Variants in ATP10B observed in about 807,000 individuals in gnomAD.
ATP10B encodes phospholipid-transporting ATPase VB.
A neutral mutation model predicts 141.2 loss-of-function variants in ATP10B; 122 were observed. The observed-to-expected ratio is 0.86, with a 90% confidence interval of 0.75 to 1.00. The LOEUF (loss-of-function observed/expected upper bound fraction) is 1.00. ATP10B is among the 50% of genes least tolerant of loss of function. ATP10B has a pLI of 0.00. For missense variants in ATP10B, 1,876 were observed against 1,825.3 expected (o/e 1.03, Z -0.51); for synonymous variants, 685 against 692.0 (o/e 0.99, Z 0.16).
intron 3 of ATP10B, among the ~76,000 whole-genome samples, chr5:160,708,878 C>T (rs1349323373): frequency 2.0e-5 from 3 of 152,064 alleles, no homozygotes; most frequent in Non-Finnish European, 4.4e-5. Flanking sequence ...GGATTAAAGA[C>T]CCCTTAGAGA....
At chr5:160,833,273 G>A (rs1260914551) in intron 1 of ATP10B, among the ~76,000 whole-genome samples, 3 of 152,136 alleles carry the variant, frequency 2.0e-5, no homozygotes, top group Non-Finnish European at 4.4e-5. Context: ...AGAATACAGG[G>A]GAATCTTGAA....
intron 7 of ATP10B, among the ~76,000 whole-genome samples, chr5:160,663,320 C>G (rs1442949440): frequency 6.6e-6 from 1 of 152,142 alleles, no homozygotes; most frequent in Non-Finnish European, 1.5e-5. Flanking sequence ...AATCATGCTG[C>G]TATAAAGACA....
chr5:160,632,132 G>A lies in ATP10B; in HGVS notation c.1617C>T (p.Ser539=). 3 of 1,611,264 alleles carry A rather than the reference G, an allele frequency of 1.9e-6. No homozygotes were observed. Among genetic ancestry groups the A allele is most frequent in the Non-Finnish European group, 2.5e-6 (3 of 1,177,794 alleles). ...SSQPPVAFSS[S]IEKDVTPDKN... ...AAAGGCAAAAGTCAGGACTTACTAT[G>A]GAGCTGCTGAAGGCCACAGGAGGCT... Residue 539 remains serine, a synonymous_variant, in exon 13 of 26, where the codon TCC becomes TCT. Transcript: ENST00000327245.
At chr5:160,917,269 C>CTTT in the ATP10B span, among the ~76,000 whole-genome samples, 11,459 of 127,548 alleles carry the variant, frequency 0.09, 872 homozygotes, top group African/African-American at 0.18. Context: ...TAGGGTACTT[C>CTTT]TTTTTTTTTT....
At chr5:160,863,967 CAAA>C in the ATP10B span, among the ~76,000 whole-genome samples, 1 of 151,758 alleles carries the variant, frequency 6.6e-6, no homozygotes, top group African/African-American at 2.4e-5. Context: ...GTATTGCCAA[CAAA>C]AAAGTGCAGA....
chr5:160,807,083 C>A (rs1275043230), intron 1 of ATP10B, among the ~76,000 whole-genome samples: 2 of 152,126 alleles, frequency 1.3e-5, no homozygotes, highest in Non-Finnish European at 2.9e-5. Context: ...GAAAACGATA[C>A]ATATACCTGT....
chr5:160,800,454 C>CAGAGA (rs1349665666), intron 1 of ATP10B, among the ~76,000 whole-genome samples: 5 of 152,226 alleles, frequency 3.3e-5, no homozygotes, highest in African/African-American at 1.2e-4. Context: ...CATTGAAAAG[C>CAGAGA]AGAGAAGTCA....
At chr5:160,729,602 G>T (rs1766598938) in intron 2 of ATP10B, among the ~76,000 whole-genome samples, 1 of 152,200 alleles carries the variant, frequency 6.6e-6, no homozygotes, top group African/African-American at 2.4e-5. Flanking sequence ...TTCAGGAGGT[G>T]ACAACGGTAG....
At chr5:160,772,278 TTAA>T (rs1260827449) in intron 2 of ATP10B, among the ~76,000 whole-genome samples, 1 of 152,264 alleles carries the variant, frequency 6.6e-6, no homozygotes, top group Non-Finnish European at 1.5e-5. Flanking sequence ...CAAGCTCTTC[TTAA>T]TACTACCCTC....
At position 160,634,124 on chromosome 5, in the gene ATP10B, G is replaced by A. The variant is rs1053998414; in HGVS notation, c.1381+230C>T. The A allele has an allele frequency of 3.2e-5, 22 of 678,898 alleles. No individual in the cohort carries two copies. The African/African-American group carries it at 3.7e-4, about 12-fold the overall frequency. 42.1% of individuals were successfully genotyped at this position (678,898 alleles called of 1,614,324 possible). ...CACCAGACAAAGATCAGCTGAAGGG[G>A]AACCACATATGGGATAACTTCTAAC... is the stretch of plus-strand genomic sequence containing the variant. On this transcript the variant is annotated intron_variant, in intron 12 of 25. Transcript: ENST00000327245.
At chr5:160,788,718 A>G (rs910574853) in intron 1 of ATP10B, among the ~76,000 whole-genome samples, 1 of 152,116 alleles carries the variant, frequency 6.6e-6, no homozygotes, top group Non-Finnish European at 1.5e-5. Flanking sequence ...TCACCATCCA[A>G]CCACTATTTA....
intron 1 of ATP10B, among the ~76,000 whole-genome samples, chr5:160,805,187 T>C (rs933897408): frequency 3.3e-5 from 5 of 152,256 alleles, no homozygotes; most frequent in Admixed American, 1.3e-4. Flanking sequence ...TTAAAGACTA[T>C]ATATCATTGT....
the ATP10B span, among the ~76,000 whole-genome samples, chr5:160,893,721 G>A: frequency 6.6e-6 from 1 of 152,186 alleles, no homozygotes; most frequent in African/African-American, 2.4e-5. Context: ...CCTCAAGTGG[G>A]TCACTGATCC....
intron 1 of ATP10B, among the ~76,000 whole-genome samples, chr5:160,815,499 G>A (rs894801213): frequency 7.2e-5 from 11 of 152,090 alleles, no homozygotes; most frequent in Non-Finnish European, 1.5e-4. Context: ...CAAGTCCTTA[G>A]AGACCTACAA....
chr5:160,896,380 GA>G, the ATP10B span, among the ~76,000 whole-genome samples: 5 of 152,226 alleles, frequency 3.3e-5, no homozygotes, highest in South Asian at 8.3e-4. Flanking sequence ...TGATCCCACA[GA>G]AATACAAACT....
intron 2 of ATP10B, among the ~76,000 whole-genome samples, chr5:160,776,455 A>G (rs894953367): frequency 1.1e-4 from 17 of 152,154 alleles, no homozygotes; most frequent in African/African-American, 3.4e-4. Flanking sequence ...CAGGGGCTAC[A>G]TTGTCTGATT....
intron 2 of ATP10B, among the ~76,000 whole-genome samples, chr5:160,775,722 C>T (rs919602005): frequency 7.0e-6 from 1 of 142,196 alleles, no homozygotes; most frequent in Non-Finnish European, 1.5e-5. Flanking sequence ...GCTCTGTTGC[C>T]CAGGCTGGAG....
At chr5:160,613,106 T>C (rs1757811442) in intron 17 of ATP10B, among the ~76,000 whole-genome samples, 181 bp from the exon 18 acceptor site, 1 of 152,186 alleles carries the variant, frequency 6.6e-6, no homozygotes, top group Non-Finnish European at 1.5e-5. Context: ...CAATGGTCAT[T>C]GAATAAGAAT....
intron 1 of ATP10B, among the ~76,000 whole-genome samples, chr5:160,826,888 A>T (rs116668249): frequency 0.032 from 4,833 of 152,146 alleles, 268 homozygotes; most frequent in African/African-American, 0.11. Flanking sequence ...CATGGTAAAT[A>T]TTTGGTCAGA....
Sources: gnomAD v4.1 joint callset for allele counts (sites outside exome capture counted in the v4.1 genomes callset) on GRCh38, gnomAD v4.1.1 for gene constraint, MANE v1.5 for transcripts, NCBI Gene and HGNC (gene_info 2026-07-23, HGNC 2026-07-21) for gene names.